Variants in GRID1 observed in about 807,000 individuals in gnomAD.
GRID1 encodes the protein glutamate receptor ionotropic, delta-1.
Under a neutral mutation model 98.0 loss-of-function variants are expected in GRID1, and 28 were observed. That is an observed-to-expected ratio of 0.29 (90% CI 0.21 to 0.39). The LOEUF (loss-of-function observed/expected upper bound fraction) is 0.39. Among genes scored for constraint, GRID1 ranks in the 10% least tolerant of loss-of-function variants. The pLI is 1.00. For missense variants in GRID1, 1,111 were observed against 1,340.5 expected, an observed-to-expected ratio of 0.83 and a Z score of 2.67; for synonymous variants, 553 against 538.5, an observed-to-expected ratio of 1.03 and a Z score of -0.37.
At chr10:86,268,714 G>C (rs1446665393) in intron 2 of GRID1, among the ~76,000 whole-genome samples, 2 of 151,766 alleles carry the variant, frequency 1.3e-5, no homozygotes, top group African/African-American at 4.8e-5. Flanking sequence ...TTTGGAGCCG[G>C]GCGCAGTGGC....
rs541846321 is a variant in GRID1, at chr10:86,085,509, A to G, written c.726+53310T>C. Among the ~76,000 whole-genome samples, 18 of 152,254 alleles carry G rather than the reference A, an allele frequency of 1.2e-4. No individual in the cohort carries two copies. The South Asian group carries it at 3.5e-3, about 30-fold the overall frequency. On this transcript the variant is annotated intron_variant, in intron 4 of 15. Coordinates refer to ENST00000327946, the MANE Select transcript of GRID1 (RefSeq NM_017551.3). ...TGTACTCTCCCAATTGTACTCTCCA[A>G]GAGTCCTGGTGCTCCAGGGACCTGG...
chr10:85,841,668 C>T (rs1722412187), intron 8 of GRID1, among the ~76,000 whole-genome samples: 1 of 151,750 alleles, frequency 6.6e-6, no homozygotes, highest in African/African-American at 2.4e-5. Context: ...GGGCAAAGAA[C>T]ATGAACAGAT....
chr10:86,056,843 G>C (rs1036765486), intron 4 of GRID1, among the ~76,000 whole-genome samples: 1 of 152,200 alleles, frequency 6.6e-6, no homozygotes, highest in Admixed American at 6.5e-5. Flanking sequence ...AAACCACATA[G>C]CAATCAGGAG....
intron 3 of GRID1, among the ~76,000 whole-genome samples, chr10:86,143,052 G>A (rs1475487679): frequency 3.3e-5 from 5 of 152,136 alleles, no homozygotes; most frequent in African/African-American, 9.7e-5. Context: ...GAGGGTTTAC[G>A]ATCCATCAGA....
chr10:85,706,557 A>G, intron 12 of GRID1, among the ~76,000 whole-genome samples: 1 of 152,138 alleles, frequency 6.6e-6, no homozygotes, highest in Non-Finnish European at 1.5e-5. Flanking sequence ...TATAGATTCA[A>G]TGCCATCCCC....
At chr10:86,011,452 C>A (rs1842922800) in intron 4 of GRID1, among the ~76,000 whole-genome samples, 1 of 152,034 alleles carries the variant, frequency 6.6e-6, no homozygotes, top group Admixed American at 6.5e-5. Context: ...TAATGCTCGA[C>A]TCCCAAAGAA....
At chr10:86,065,790 AG>A (rs1843711874) in intron 4 of GRID1, among the ~76,000 whole-genome samples, 1 of 152,040 alleles carries the variant, frequency 6.6e-6, no homozygotes, top group South Asian at 2.1e-4. Context: ...TGCAGCTCCA[AG>A]GAGAAGTGAT....
At chr10:85,813,385 G>A (rs1842689810) in intron 8 of GRID1, among the ~76,000 whole-genome samples, 1 of 150,778 alleles carries the variant, frequency 6.6e-6, no homozygotes, top group African/African-American at 2.4e-5. Context: ...AGCAGGATTG[G>A]AATCACCATT....
chr10:86,034,896 G>C (rs1179440210), intron 4 of GRID1, among the ~76,000 whole-genome samples: 1 of 145,442 alleles, frequency 6.9e-6, no homozygotes, highest in African/African-American at 2.6e-5. Flanking sequence ...ATAGATCAAT[G>C]GATTGGTGGA....
intron 12 of GRID1, among the ~76,000 whole-genome samples, chr10:85,670,609 G>A (rs902066913): frequency 1.3e-5 from 2 of 152,080 alleles, no homozygotes; most frequent in East Asian, 1.9e-4. Flanking sequence ...AAGAAACTGC[G>A]AGTTGCTTGA....
rs1399804151 is a variant in GRID1 at position 85,820,055 on chromosome 10, CAGGCAGGCAGGCAGGAAGGCAGGT to C, written c.1233+34417_1233+34440del. Among the ~76,000 whole-genome samples, 78 of 97,670 alleles carry C rather than the reference CAGGCAGGCAGGCAGGAAGGCAGGT, an allele frequency of 8.0e-4. 1 individual carries two copies. The highest frequency in any genetic ancestry group is 1.5e-3 in the South Asian group (4 of 2,704). 64.1% of individuals were successfully genotyped at this position (97,670 alleles called of 152,430 possible). ...GCAGGCAGGCAGGCAGGCAGGCAGG[CAGGCAGGCAGGCAGGAAGGCAGGT>C]AGGCAGGCAGGCAGGCAGGAAGGAA... On this transcript the variant is annotated intron_variant, in intron 8 of 15. Transcript: ENST00000327946.
chr10:85,959,789 T>C (rs532521548), intron 4 of GRID1, among the ~76,000 whole-genome samples: 1 of 152,334 alleles, frequency 6.6e-6, no homozygotes, highest in South Asian at 2.1e-4. Flanking sequence ...CAATGAACAT[T>C]TGCATCATTT....
chr10:86,358,245 GC>G (rs1382938858), intron 2 of GRID1, among the ~76,000 whole-genome samples: 1 of 152,176 alleles, frequency 6.6e-6, no homozygotes, highest in Non-Finnish European at 1.5e-5. Context: ...AAAAGAGGAT[GC>G]CCCGCAGTAA....
rs143777687 is a variant in GRID1, at chr10:86,016,694, A to G, written c.727-100455T>C. Among the ~76,000 whole-genome samples the G allele has an allele frequency of 3.4e-4, 52 of 152,184 alleles. No homozygotes were observed. The East Asian group carries it at 0.01, about 29-fold the overall frequency. The stretch of plus-strand genomic sequence containing the variant: ...ATCTTTCCTGCTTCTGTGATATTTT[A>G]TTTTCAATGGCTCTAAAAAATAGTC... On this transcript the variant is annotated intron_variant, in intron 4 of 15. Coordinates refer to ENST00000327946, the MANE Select transcript of GRID1 (RefSeq NM_017551.3).
At chr10:85,648,481 C>T (rs1273182324) in intron 12 of GRID1, among the ~76,000 whole-genome samples, 1 of 152,126 alleles carries the variant, frequency 6.6e-6, no homozygotes, top group African/African-American at 2.4e-5. Flanking sequence ...TCAGTCTCTC[C>T]TCTTTAACAA....
intron 4 of GRID1, among the ~76,000 whole-genome samples, chr10:86,032,431 T>C (rs535196043): frequency 1.3e-5 from 2 of 152,198 alleles, no homozygotes; most frequent in Admixed American, 1.3e-4. Flanking sequence ...TGTTGCTGTA[T>C]CTGTGTAGAA....
intron 2 of GRID1, among the ~76,000 whole-genome samples, chr10:86,317,938 T>C (rs1256246107): frequency 6.6e-6 from 1 of 152,072 alleles, no homozygotes; most frequent in African/African-American, 2.4e-5. Context: ...AGACAGGGTA[T>C]TGCCGTTGCC....
intron 4 of GRID1, among the ~76,000 whole-genome samples, chr10:86,087,777 G>A (rs1844085913): frequency 1.3e-5 from 2 of 152,172 alleles, no homozygotes; most frequent in African/African-American, 2.4e-5. Context: ...CCACATGGCT[G>A]CTGGCCCACC....
At chr10:85,862,004 C>A (rs1217042681) in intron 6 of GRID1, among the ~76,000 whole-genome samples, 1 of 152,068 alleles carries the variant, frequency 6.6e-6, no homozygotes, top group Non-Finnish European at 1.5e-5. Context: ...TACACGTCTT[C>A]CACATCACAT....
Sources: allele counts gnomAD v4.1 joint callset (sites outside exome capture counted in the v4.1 genomes callset), GRCh38; gene constraint gnomAD v4.1.1; transcripts MANE v1.5; gene names NCBI Gene and HGNC (gene_info 2026-07-23, HGNC 2026-07-21).